CHD6: variants seen among roughly 807,000 people sequenced by gnomAD.
CHD6 encodes the protein chromodomain helicase DNA binding protein 6, also known as ATP-dependent chromatin remodeler CHD6.
Under a neutral mutation model 276.9 loss-of-function variants are expected in CHD6, and 50 were observed. The ratio of observed to expected loss-of-function variants is 0.18; its 90% CI spans 0.14 to 0.23. The LOEUF (loss-of-function observed/expected upper bound fraction) is 0.23, where lower values mean the gene tolerates loss of function less well. CHD6 is among the 10% of genes least tolerant of loss of function. The pLI is 1.00. For synonymous variants in CHD6, 1,173 were observed against 1,229.3 expected, an observed-to-expected ratio of 0.95 and a Z score of 0.96; for missense variants, 2,564 against 3,365.8, an observed-to-expected ratio of 0.76 and a Z score of 5.89.
intron 17 of CHD6, among the ~76,000 whole-genome samples, chr20:41,470,142 G>C (rs984077535): frequency 6.6e-6 from 1 of 152,088 alleles, no homozygotes. Flanking sequence ...CTTGCTTTTG[G>C]AAAGCCCTCT....
chr20:41,405,800 G>A (rs993766288), intron 36 of CHD6, among the ~76,000 whole-genome samples: 11 of 152,086 alleles, frequency 7.2e-5, no homozygotes, highest in Non-Finnish European at 5.9e-5. Context: ...AGAAGAGAGT[G>A]GGGAGCTGGA....
chr20:41,498,064 T>A (rs2043731406), intron 7 of CHD6, 104 bp downstream of exon 7: 2 of 814,994 alleles, frequency 2.5e-6, no homozygotes, highest in African/African-American at 1.7e-5. Context: ...GGGTCATGCC[T>A]TAGAGGCAAG....
chr20:41,599,764 T>C (rs1282528934), intron 1 of CHD6, among the ~76,000 whole-genome samples: 2 of 152,242 alleles, frequency 1.3e-5, no homozygotes, highest in Non-Finnish European at 2.9e-5. Context: ...TGAACACTTG[T>C]TTCTCTGCTT....
intron 32 of CHD6, among the ~76,000 whole-genome samples, 176 bp downstream of exon 32, chr20:41,417,022 C>T (rs764815422): frequency 1.3e-4 from 20 of 152,240 alleles, no homozygotes; most frequent in South Asian, 2.1e-4. Context: ...ATCTTACAGT[C>T]GAATTAGTTA....
chr20:41,431,052 C>T (rs2047522704), intron 27 of CHD6, among the ~76,000 whole-genome samples: 1 of 151,968 alleles, frequency 6.6e-6, no homozygotes, highest in South Asian at 2.1e-4. Context: ...CCAGGCTGGT[C>T]TCGAACTTCT....
At chr20:41,517,056 T>C (rs2044269955) in intron 3 of CHD6, among the ~76,000 whole-genome samples, 1 of 152,178 alleles carries the variant, frequency 6.6e-6, no homozygotes, top group Admixed American at 6.5e-5. Context: ...CCCGTCACCC[T>C]TCATATGTCC....
At chr20:41,458,581 C>T (rs1300609962) in intron 17 of CHD6, among the ~76,000 whole-genome samples, 7 of 152,028 alleles carry the variant, frequency 4.6e-5, no homozygotes, top group African/African-American at 1.7e-4. Flanking sequence ...TATATATACA[C>T]ACATATACAT....
chr20:41,403,741 T>C lies in CHD6; in HGVS notation c.*852A>G. 2 of 1,057,214 alleles carry C rather than the reference T, an allele frequency of 1.9e-6. No homozygotes were observed. Among genetic ancestry groups the C allele is most frequent in the South Asian group, 4.6e-5 (1 of 21,938 alleles). 65.5% of individuals were successfully genotyped at this position (1,057,214 alleles called of 1,614,324 possible). On this transcript the variant is annotated 3_prime_UTR_variant, in exon 37 of 37. Transcript: ENST00000373233. Reference sequence around the variant, plus strand: ...AAACACAGAGAGGCAAATTAATGGCTAGAGAAATCTGTAAGCGAACCAGGT... The same window carrying C: ...AAACACAGAGAGGCAAATTAATGGCCAGAGAAATCTGTAAGCGAACCAGGT...
intron 25 of CHD6, among the ~76,000 whole-genome samples, chr20:41,440,874 G>A (rs751295005): frequency 7.2e-5 from 11 of 152,246 alleles, no homozygotes; most frequent in Admixed American, 1.3e-4. Flanking sequence ...GAAGAGCTGA[G>A]TGTAAATGAG....
At chr20:41,593,345 A>ATTTTCAGC (rs2045683910) in intron 1 of CHD6, among the ~76,000 whole-genome samples, 1 of 151,978 alleles carries the variant, frequency 6.6e-6, no homozygotes. Flanking sequence ...CTTAGTCTCT[A>ATTTTCAGC]TTTTCAGCAT....
At chr20:41,453,311 A>C (rs1282163214) in intron 20 of CHD6, among the ~76,000 whole-genome samples, 1 of 152,196 alleles carries the variant, frequency 6.6e-6, no homozygotes, top group Non-Finnish European at 1.5e-5. Context: ...GCATGCAGAG[A>C]GCAGTCTGCA....
chr20:41,563,607 C>A (rs541518606), intron 1 of CHD6, among the ~76,000 whole-genome samples: 1 of 152,294 alleles, frequency 6.6e-6, no homozygotes, highest in East Asian at 1.9e-4. Flanking sequence ...AAAATCATTT[C>A]TAAATCCTAA....
chr20:41,545,606 T>A (rs2045025016), intron 2 of CHD6, among the ~76,000 whole-genome samples: 1 of 152,198 alleles, frequency 6.6e-6, no homozygotes, highest in Non-Finnish European at 1.5e-5. Flanking sequence ...CTTTCACTAT[T>A]CTAAATTATG....
At chr20:41,555,241 C>T (rs1158254620) in intron 1 of CHD6, among the ~76,000 whole-genome samples, 6 of 133,230 alleles carry the variant, frequency 4.5e-5, no homozygotes, top group Non-Finnish European at 7.8e-5. Context: ...GGGGCTGACC[C>T]CCCCACCTCC....
rs767344607 is a variant in CHD6 at position 41,452,896 on chromosome 20, T to C, written c.3167A>G (p.His1056Arg). The change falls in exon 21 of 37, where the codon CAC (histidine) becomes CGC (arginine). Residue 1056 changes from histidine (H) to arginine (R), a missense_variant. Around this residue, in one of 7 missense-constraint regions of CHD6, gnomAD observed 515 missense variants for 739.5 expected, o/e 0.70. Coordinates refer to ENST00000373233, the MANE Select transcript of CHD6 (RefSeq NM_032221.5). The surrounding 1 kb of genome is among the most constrained non-coding windows in gnomAD (Gnocchi z 4.2). ...CTCGTCTTCCTCAAACGAGTTGTAG[T>C]GTTTGGTCTGCTTTCTCACGCGAGG... ...DRPRVRKQTK[H>R]YNSFEEDELM... 5.0e-6 allele frequency: 8 copies of C among 1,613,636 alleles called. No homozygotes were observed. Among genetic ancestry groups the C allele is most frequent in the Non-Finnish European group, 5.1e-6 (6 of 1,179,928 alleles).
intron 36 of CHD6, among the ~76,000 whole-genome samples, chr20:41,405,728 G>A (rs1271506714): frequency 2.0e-5 from 3 of 152,178 alleles, no homozygotes; most frequent in Non-Finnish European, 2.9e-5. Context: ...ACCTGTCACT[G>A]CCCAGTGGTA....
chr20:41,549,158 A>G (rs1307580098), intron 2 of CHD6, among the ~76,000 whole-genome samples: 4 of 151,860 alleles, frequency 2.6e-5, no homozygotes, highest in Non-Finnish European at 5.9e-5. Context: ...TACCCAAAGG[A>G]TTATAAATCA....
At chr20:41,561,436 C>T (rs753524171) in intron 1 of CHD6, among the ~76,000 whole-genome samples, 2 of 152,142 alleles carry the variant, frequency 1.3e-5, no homozygotes, top group Non-Finnish European at 2.9e-5. Context: ...TCAATCTAAG[C>T]TCAATGTTCT....
chr20:41,519,108 C>T (rs2044322203), intron 3 of CHD6, among the ~76,000 whole-genome samples: 1 of 152,158 alleles, frequency 6.6e-6, no homozygotes, highest in Non-Finnish European at 1.5e-5. Flanking sequence ...ATGGCGAAAC[C>T]CCGTCTCTAC....
Sources: allele counts gnomAD v4.1 joint callset (sites outside exome capture counted in the v4.1 genomes callset), GRCh38; gene constraint gnomAD v4.1.1; regional missense constraint gnomAD v4.1.1; non-coding constraint Gnocchi (gnomAD v3.1); transcripts MANE v1.5; gene names NCBI Gene and HGNC (gene_info 2026-07-23, HGNC 2026-07-21).